The following RIMS2 variants were observed in gnomAD, a reference collection of about 807,000 sequenced individuals.
The protein encoded by RIMS2 is regulating synaptic membrane exocytosis 2.
Under a neutral mutation model 174.4 loss-of-function variants are expected in RIMS2, and 59 were observed. The ratio of observed to expected loss-of-function variants is 0.34; its 90% CI spans 0.27 to 0.42. The LOEUF (loss-of-function observed/expected upper bound fraction) is 0.42, where lower values mean the gene tolerates loss of function less well. RIMS2 is among the 10% of genes least tolerant of loss of function. The probability of loss-of-function intolerance (pLI) is 1.00; values close to 1 mark genes in which losing one functional copy is unlikely to be tolerated. For missense variants in RIMS2, 1,620 were observed against 1,666.3 expected (o/e 0.97, Z 0.48); for synonymous variants, 606 against 572.5 (o/e 1.06, Z -0.84).
intron 1 of RIMS2, among the ~76,000 whole-genome samples, chr8:103,532,626 T>C (rs1285982927): frequency 2.0e-5 from 3 of 152,234 alleles, no homozygotes; most frequent in African/African-American, 7.2e-5. Flanking sequence ...GCTTTTGCAC[T>C]ACACTGGCAG....
intron 1 of RIMS2, among the ~76,000 whole-genome samples, chr8:103,517,246 A>T (rs1829442119): frequency 6.6e-6 from 1 of 152,244 alleles, no homozygotes; most frequent in African/African-American, 2.4e-5. Context: ...CAAAGATCAC[A>T]TTCAAACTGG....
intron 14 of RIMS2, among the ~76,000 whole-genome samples, chr8:103,950,880 T>C (rs900901080): frequency 2.0e-5 from 3 of 152,236 alleles, no homozygotes; most frequent in African/African-American, 7.2e-5. Context: ...AAATGGGATC[T>C]ATACAAAAAC....
chr8:103,821,738 T>C (rs2098753204), intron 3 of RIMS2, among the ~76,000 whole-genome samples: 2 of 151,816 alleles, frequency 1.3e-5, no homozygotes, highest in South Asian at 4.1e-4. Context: ...CTATGCATCC[T>C]GCATAGGTAT....
intron 3 of RIMS2, among the ~76,000 whole-genome samples, chr8:103,846,035 C>T (rs2098966206): frequency 6.6e-6 from 1 of 151,862 alleles, no homozygotes; most frequent in Non-Finnish European, 1.5e-5. Context: ...CACCTTGATT[C>T]TGCCCAATTG....
chr8:103,602,083 T>A (rs1217457203), intron 1 of RIMS2, among the ~76,000 whole-genome samples: 1 of 152,142 alleles, frequency 6.6e-6, no homozygotes, highest in Non-Finnish European at 1.5e-5. Context: ...CCTCCCAGGT[T>A]CAAGCAATTC....
chr8:104,194,757 T>C (rs184175814), intron 19 of RIMS2, among the ~76,000 whole-genome samples: 52 of 152,308 alleles, frequency 3.4e-4, no homozygotes, highest in Admixed American at 5.2e-4. Flanking sequence ...AGAAAAGGCA[T>C]CTACTCTGAC....
chr8:104,042,921 T>G (rs928755668), intron 19 of RIMS2, among the ~76,000 whole-genome samples: 2 of 151,196 alleles, frequency 1.3e-5, no homozygotes, highest in African/African-American at 2.4e-5. Context: ...AATTTGGGGA[T>G]CACCAGCACT....
chr8:103,964,798 C>T (rs2091338779), intron 15 of RIMS2, among the ~76,000 whole-genome samples: 1 of 152,046 alleles, frequency 6.6e-6, no homozygotes, highest in Non-Finnish European at 1.5e-5. Context: ...TATTATTTTG[C>T]ATTTTATATT....
intron 4 of RIMS2, among the ~76,000 whole-genome samples, chr8:103,900,373 A>G (rs142083615): frequency 6.7e-6 from 1 of 149,262 alleles, no homozygotes; most frequent in South Asian, 2.1e-4. Flanking sequence ...ACAAGTGCCC[A>G]CCACCACGCC....
chr8:104,065,644 G>C (rs548750432), intron 19 of RIMS2, among the ~76,000 whole-genome samples: 49 of 152,070 alleles, frequency 3.2e-4, no homozygotes, highest in Non-Finnish European at 5.3e-4. Flanking sequence ...GACCTGTTTG[G>C]TTACTGTTTG....
At chr8:103,831,586 T>C (rs2098826308) in intron 3 of RIMS2, among the ~76,000 whole-genome samples, 1 of 152,206 alleles carries the variant, frequency 6.6e-6, no homozygotes, top group African/African-American at 2.4e-5. Flanking sequence ...GCTTTTTGCT[T>C]TCATAATGAT....
At chr8:103,681,228 T>G (rs947653154) in intron 1 of RIMS2, among the ~76,000 whole-genome samples, 4 of 152,072 alleles carry the variant, frequency 2.6e-5, no homozygotes, top group African/African-American at 9.7e-5. Flanking sequence ...ATAACTTGTC[T>G]GTAGAATAGG....
chr8:103,794,191 G>A (rs1005610677), intron 3 of RIMS2, among the ~76,000 whole-genome samples: 2 of 152,068 alleles, frequency 1.3e-5, no homozygotes, highest in Non-Finnish European at 2.9e-5. Flanking sequence ...TATACTACAA[G>A]GCTATAGTAA....
chr8:103,504,686 T>G (rs956446195), intron 1 of RIMS2, among the ~76,000 whole-genome samples: 4 of 152,122 alleles, frequency 2.6e-5, no homozygotes, highest in Admixed American at 2.0e-4. Flanking sequence ...GTAAAAATTT[T>G]CCTGATAGGT....
At chr8:103,992,004 T>C (rs980091511) in intron 17 of RIMS2, among the ~76,000 whole-genome samples, 1 of 152,192 alleles carries the variant, frequency 6.6e-6, no homozygotes, top group African/African-American at 2.4e-5. Flanking sequence ...CTTACCATTT[T>C]AAAAGGATAT....
chr8:103,571,573 G>C, intron 1 of RIMS2, among the ~76,000 whole-genome samples: 1 of 150,708 alleles, frequency 6.6e-6, no homozygotes, highest in South Asian at 2.1e-4. Flanking sequence ...ATGTATATTT[G>C]TGTGTATATG....
At chr8:103,624,926 C>T (rs2095743129) in intron 1 of RIMS2, among the ~76,000 whole-genome samples, 1 of 151,974 alleles carries the variant, frequency 6.6e-6, no homozygotes, top group Admixed American at 6.6e-5. Context: ...AAATACTAAG[C>T]CCCTTTTTGG....
At chr8:103,821,594 G>A (rs2098752036) in intron 3 of RIMS2, among the ~76,000 whole-genome samples, 1 of 151,672 alleles carries the variant, frequency 6.6e-6, no homozygotes, top group South Asian at 2.1e-4. Context: ...GAAGTATGAT[G>A]AGTGAAAAAA....
chr8:104,078,930 C>T (rs2154562813), intron 19 of RIMS2, among the ~76,000 whole-genome samples: 1 of 152,066 alleles, frequency 6.6e-6, no homozygotes, highest in South Asian at 2.1e-4. Context: ...TTAAATATGA[C>T]TCGCGTAGCC....
Sources: gnomAD v4.1 joint callset for allele counts (sites outside exome capture counted in the v4.1 genomes callset) on GRCh38, gnomAD v4.1.1 for gene constraint, MANE v1.5 for transcripts, NCBI Gene and HGNC (gene_info 2026-07-23, HGNC 2026-07-21) for gene names.